The following UBE2W variants were observed in gnomAD, a reference collection of about 807,000 sequenced individuals.
UBE2W encodes ubiquitin-conjugating enzyme E2 W.
Under a neutral mutation model 27.2 loss-of-function variants are expected in UBE2W, and 18 were observed. The observed-to-expected ratio is 0.66, with a 90% confidence interval of 0.46 to 0.98. The LOEUF (loss-of-function observed/expected upper bound fraction) is 0.98, where lower values mean the gene tolerates loss of function less well. Among genes scored for constraint, UBE2W ranks in the 50% least tolerant of loss-of-function variants. The pLI, the probability that UBE2W is intolerant of heterozygous loss-of-function variation, is 0.00. For synonymous variants in UBE2W, 53 were observed against 57.2 expected (o/e 0.93, Z 0.33); for missense variants, 90 against 180.2 (o/e 0.50, Z 2.87).
At chr8:73,865,358 A>T (rs969101968) in intron 1 of UBE2W, among the ~76,000 whole-genome samples, 1 of 150,690 alleles carries the variant, frequency 6.6e-6, no homozygotes, top group Non-Finnish European at 1.5e-5. Context: ...TATGTCTGTA[A>T]CCCCAGCACT....
chr8:73,870,551 A>G (rs1811961866), intron 1 of UBE2W, among the ~76,000 whole-genome samples: 1 of 152,162 alleles, frequency 6.6e-6, no homozygotes, highest in South Asian at 2.1e-4. Context: ...CAGCTATTAA[A>G]CAACAACACT....
downstream of UBE2W, among the ~76,000 whole-genome samples, chr8:73,782,860 G>A (rs1807868835): frequency 6.6e-6 from 1 of 152,202 alleles, no homozygotes; most frequent in African/African-American, 2.4e-5. Flanking sequence ...ATTTTCCAAA[G>A]TGGTTATACA....
At chr8:73,856,800 G>A (rs750522583) in intron 1 of UBE2W, among the ~76,000 whole-genome samples, 1 of 151,952 alleles carries the variant, frequency 6.6e-6, no homozygotes, top group Non-Finnish European at 1.5e-5. Context: ...CCGCCTCCTG[G>A]GTTCAAGCCA....
At chr8:73,859,050 C>T (rs1811433884) in intron 1 of UBE2W, among the ~76,000 whole-genome samples, 1 of 149,802 alleles carries the variant, frequency 6.7e-6, no homozygotes, top group Admixed American at 6.7e-5. Context: ...TGGTGAGAGT[C>T]TTCTAAACTG....
At chr8:73,868,207 A>G (rs1171783807) in intron 1 of UBE2W, among the ~76,000 whole-genome samples, 1 of 152,132 alleles carries the variant, frequency 6.6e-6, no homozygotes, top group Admixed American at 6.6e-5. Context: ...TTGGGGAAGA[A>G]GGGGGGGCTC....
At chr8:73,868,725 A>G (rs999109790) in intron 1 of UBE2W, among the ~76,000 whole-genome samples, 8 of 151,724 alleles carry the variant, frequency 5.3e-5, no homozygotes, top group Non-Finnish European at 1.0e-4. Context: ...AAAAACCCAC[A>G]TATCTGGTGT....
chr8:73,878,003 G>A (rs1226658572), intron 1 of UBE2W, among the ~76,000 whole-genome samples: 2 of 150,812 alleles, frequency 1.3e-5, no homozygotes, highest in Non-Finnish European at 3.0e-5. Flanking sequence ...TGGGAATAAG[G>A]GCAAAGAGAT....
chr8:73,830,209 G>A (rs188752779), intron 2 of UBE2W, among the ~76,000 whole-genome samples, 172 bp downstream of exon 2: 58 of 152,122 alleles, frequency 3.8e-4, no homozygotes, highest in African/African-American at 4.3e-4. Flanking sequence ...TTATAATGCC[G>A]TAAAACAAAA....
At chr8:73,802,707 T>C (rs535403181) in intron 5 of UBE2W, among the ~76,000 whole-genome samples, 13 of 150,702 alleles carry the variant, frequency 8.6e-5, no homozygotes, top group African/African-American at 3.2e-4. Context: ...CTGGCCAACA[T>C]GGCAAAACCC....
rs372814788 is a variant in UBE2W at position 73,822,792 on chromosome 8, C to A, written c.210+2355G>T. ...AAGCGAGACGCTGTCTCAAAAAAAA[C>A]AAAACAAAAACAAACAAACAAAAAA... On this transcript the variant is annotated intron_variant, in intron 3 of 5. Coordinates refer to ENST00000602593, the MANE Select transcript of UBE2W (RefSeq NM_018299.6). Among the ~76,000 whole-genome samples the A allele has an allele frequency of 8.0e-5, 12 of 150,412 alleles. No homozygotes were observed. The South Asian group carries it at 2.1e-3, about 26-fold the overall frequency.
At chr8:73,846,701 T>C (rs1810816479) in intron 1 of UBE2W, among the ~76,000 whole-genome samples, 1 of 152,072 alleles carries the variant, frequency 6.6e-6, no homozygotes, top group Non-Finnish European at 1.5e-5. Flanking sequence ...ATTTGTAAAA[T>C]AAAACAAGAC....
chr8:73,819,560 T>C (rs979186520), intron 3 of UBE2W, among the ~76,000 whole-genome samples: 7 of 152,208 alleles, frequency 4.6e-5, no homozygotes, highest in Non-Finnish European at 8.8e-5. Context: ...CATTTACCTG[T>C]ATCCTAGCAT....
Position 73,789,888 on chromosome 8 carries a change from T to C in UBE2W, c.*4214A>G. The C allele has an allele frequency of 1.0e-6, 1 of 963,942 alleles. No homozygotes were observed. The highest frequency in any genetic ancestry group is 1.2e-6 in the Non-Finnish European group (1 of 810,496). 59.7% of individuals were successfully genotyped at this position (963,942 alleles called of 1,614,324 possible). ...AAAATAATCATTCCACATCTCAAAA[T>C]GACTTAGAAATTTAAATGGAAAAAA... On this transcript the variant is annotated 3_prime_UTR_variant, in exon 6 of 6. Transcript: ENST00000602593.
At position 73,843,664 on chromosome 8, in the gene UBE2W, T is replaced by A. The variant is rs114715807; in HGVS notation, c.16-13192A>T. Among the ~76,000 whole-genome samples, 403 of 147,544 alleles carry A rather than the reference T, an allele frequency of 2.7e-3. 1 individual carries two copies. Among genetic ancestry groups the A allele is most frequent in the African/African-American group, 9.8e-3 (391 of 39,840 alleles). On this transcript the variant is annotated intron_variant, in intron 1 of 5. Transcript: ENST00000602593. ...AAAGAAAAAAGAAAACCTCAATGAG[T>A]AAAGAAACTAAACACAGGTGAAGAA...
intron 1 of UBE2W, among the ~76,000 whole-genome samples, chr8:73,843,645 A>G (rs1172267360): frequency 1.3e-5 from 2 of 152,092 alleles, no homozygotes; most frequent in African/African-American, 4.8e-5. Context: ...TTTAAAAGAA[A>G]AAAGAAAACC....
chr8:73,814,834 A>T (rs1809321805), intron 3 of UBE2W, among the ~76,000 whole-genome samples: 1 of 152,202 alleles, frequency 6.6e-6, no homozygotes, highest in Admixed American at 6.5e-5. Context: ...AGCAGTCTTT[A>T]ATTATTACTA....
At chr8:73,870,827 GAAAAAAAAA>G (rs60577226) in intron 1 of UBE2W, among the ~76,000 whole-genome samples, 1 of 99,534 alleles carries the variant, frequency 1.0e-5, no homozygotes, top group African/African-American at 3.6e-5. Flanking sequence ...TGAGTGAAAA[GAAAAAAAAA>G]AAAAAAAAAA....
intron 5 of UBE2W, among the ~76,000 whole-genome samples, chr8:73,801,530 A>G (rs929558487): frequency 5.3e-5 from 8 of 152,240 alleles, no homozygotes; most frequent in African/African-American, 1.7e-4. Flanking sequence ...GATTGAATCT[A>G]TCTGAACCAG....
At chr8:73,857,588 T>C (rs1002496750) in intron 1 of UBE2W, among the ~76,000 whole-genome samples, 1 of 152,062 alleles carries the variant, frequency 6.6e-6, no homozygotes, top group Non-Finnish European at 1.5e-5. Flanking sequence ...GAGGCCGAGA[T>C]GGGCAGATCA....
Sources: allele counts gnomAD v4.1 joint callset (sites outside exome capture counted in the v4.1 genomes callset), GRCh38; gene constraint gnomAD v4.1.1; transcripts MANE v1.5; gene names NCBI Gene and HGNC (gene_info 2026-07-23, HGNC 2026-07-21).